ZFPM2: variants seen among roughly 807,000 people sequenced by gnomAD.
The protein encoded by ZFPM2 is zinc finger protein ZFPM2.
In ZFPM2, 20 loss-of-function variants were observed where a neutral mutation model predicts 98.6. The observed-to-expected ratio is 0.20, with a 90% CI of 0.14 to 0.29. The LOEUF (loss-of-function observed/expected upper bound fraction) is 0.29. Among genes scored for constraint, ZFPM2 ranks in the 10% least tolerant of loss-of-function variants. The pLI is 1.00. For synonymous variants in ZFPM2, 518 were observed against 502.7 expected (o/e 1.03, Z -0.41); for missense variants, 1,310 against 1,388.6 (o/e 0.94, Z 0.90).
At chr8:105,454,606 C>T (rs541233395) in intron 3 of ZFPM2, among the ~76,000 whole-genome samples, 2 of 152,270 alleles carry the variant, frequency 1.3e-5, no homozygotes, top group Admixed American at 6.5e-5. Flanking sequence ...CAACTTTTCC[C>T]TAATAATTAT....
intron 3 of ZFPM2, among the ~76,000 whole-genome samples, chr8:105,534,070 TCCTCCCTCCCA>T (rs1563704478): frequency 1.2e-4 from 2 of 16,420 alleles, no homozygotes; most frequent in Non-Finnish European, 1.0e-4. Flanking sequence ...CTCCCTTCCT[TCCTCCCTCCCA>T]TCTTCCTCCC....
intron 1 of ZFPM2, among the ~76,000 whole-genome samples, chr8:105,368,713 T>C (rs1306734437): frequency 6.6e-6 from 1 of 152,176 alleles, no homozygotes; most frequent in Non-Finnish European, 1.5e-5. Context: ...TGGAATGTAC[T>C]GTTTCCCTTT....
intron 3 of ZFPM2, among the ~76,000 whole-genome samples, chr8:105,480,589 C>T (rs1258748493): frequency 6.6e-6 from 1 of 151,994 alleles, no homozygotes; most frequent in Non-Finnish European, 1.5e-5. Flanking sequence ...TGAACTTATA[C>T]AAGGGTGGAC....
Position 105,712,753 on chromosome 8 carries a change from C to G in ZFPM2, c.533-75965C>G, listed in dbSNP as rs1286362428. Among the ~76,000 whole-genome samples the G allele has an allele frequency of 3.3e-5, 5 of 152,198 alleles. No individual in the cohort carries two copies. In the East Asian group the frequency reaches 9.7e-4, roughly 29 times the overall value. ...CCCCAGTGTCTTTGGTTCCCATCTTCATGTCCAAGTGTATTCAGGGTTTAG... is the reference window on the plus strand; with the variant it reads ...CCCCAGTGTCTTTGGTTCCCATCTTGATGTCCAAGTGTATTCAGGGTTTAG... On this transcript the variant is annotated intron_variant, in intron 5 of 7. Transcript: ENST00000407775.
chr8:105,411,408 T>A (rs1355914620), intron 1 of ZFPM2, among the ~76,000 whole-genome samples: 2 of 151,796 alleles, frequency 1.3e-5, no homozygotes, highest in Admixed American at 1.3e-4. Flanking sequence ...CATCTTATCT[T>A]ATACGTTGTT....
intron 5 of ZFPM2, among the ~76,000 whole-genome samples, chr8:105,695,279 T>C (rs1810988491): frequency 1.3e-5 from 2 of 151,880 alleles, no homozygotes; most frequent in South Asian, 4.1e-4. Context: ...ATGATAACCT[T>C]GAAGAAGAAA....
At chr8:105,551,213 C>A (rs1203088242) in intron 3 of ZFPM2, among the ~76,000 whole-genome samples, 1 of 152,134 alleles carries the variant, frequency 6.6e-6, no homozygotes, top group Non-Finnish European at 1.5e-5. Flanking sequence ...TAGTGCGTGG[C>A]ACAGTTAACA....
chr8:105,440,199 T>C (rs1317990105), intron 2 of ZFPM2, among the ~76,000 whole-genome samples: 3 of 152,226 alleles, frequency 2.0e-5, no homozygotes, highest in Non-Finnish European at 2.9e-5. Context: ...ACTCAGAGTC[T>C]AAATAGAGAT....
chr8:105,461,858 A>G (rs1812709932), intron 3 of ZFPM2, among the ~76,000 whole-genome samples: 1 of 152,172 alleles, frequency 6.6e-6, no homozygotes, highest in African/African-American at 2.4e-5. Context: ...GCCTAAAATC[A>G]CACAGCAGAT....
chr8:105,500,138 T>G (rs1813559440), intron 3 of ZFPM2, among the ~76,000 whole-genome samples: 1 of 152,208 alleles, frequency 6.6e-6, no homozygotes, highest in Non-Finnish European at 1.5e-5. Context: ...TATTAAAAAC[T>G]TCTGTTATAC....
At chr8:105,650,838 A>G (rs1221339035) in intron 5 of ZFPM2, among the ~76,000 whole-genome samples, 1 of 152,172 alleles carries the variant, frequency 6.6e-6, no homozygotes, top group Non-Finnish European at 1.5e-5. Context: ...TGGTGCTGAG[A>G]AGAATGTTGA....
chr8:105,623,954 T>G (rs1204259625), intron 4 of ZFPM2, among the ~76,000 whole-genome samples: 1 of 152,216 alleles, frequency 6.6e-6, no homozygotes, highest in Non-Finnish European at 1.5e-5. Context: ...TAAGTAAGTA[T>G]AAGCTCAATG....
chr8:105,463,837 G>A (rs144109646), intron 3 of ZFPM2, among the ~76,000 whole-genome samples: 11 of 152,052 alleles, frequency 7.2e-5, no homozygotes, highest in African/African-American at 2.7e-4. Flanking sequence ...TGAGAAATCT[G>A]CATTTACCTC....
chr8:105,556,382 C>A (rs1814991498), intron 3 of ZFPM2, among the ~76,000 whole-genome samples: 1 of 152,114 alleles, frequency 6.6e-6, no homozygotes. Context: ...TCTTCAATTT[C>A]TTTTTGGTGA....
chr8:105,440,583 G>A (rs1360478811), intron 2 of ZFPM2, among the ~76,000 whole-genome samples: 1 of 152,134 alleles, frequency 6.6e-6, no homozygotes, highest in Non-Finnish European at 1.5e-5. Context: ...TGCACAAGGT[G>A]TGGGTGGGAC....
intron 4 of ZFPM2, among the ~76,000 whole-genome samples, chr8:105,564,960 C>A (rs780719636): frequency 9.9e-5 from 15 of 151,924 alleles, no homozygotes; most frequent in Non-Finnish European, 2.1e-4. Flanking sequence ...AAATATATAG[C>A]CTACTACCCC....
At chr8:105,558,259 G>A (rs1020436162) in intron 3 of ZFPM2, among the ~76,000 whole-genome samples, 5 of 151,990 alleles carry the variant, frequency 3.3e-5, no homozygotes, top group Non-Finnish European at 5.9e-5. Context: ...AATTATTTGC[G>A]CTATGCTTGC....
intron 3 of ZFPM2, among the ~76,000 whole-genome samples, chr8:105,444,962 T>C (rs1179574823): frequency 6.6e-6 from 1 of 152,164 alleles, no homozygotes; most frequent in African/African-American, 2.4e-5. Flanking sequence ...TATGTAAATA[T>C]ATAACAGTCA....
chr8:105,622,088 GT>G (rs1357657011), intron 4 of ZFPM2, among the ~76,000 whole-genome samples: 1 of 151,064 alleles, frequency 6.6e-6, no homozygotes, highest in African/African-American at 2.4e-5. Context: ...TATATATAAG[GT>G]TATATTATTT....
Sources: gnomAD v4.1 joint callset for allele counts (sites outside exome capture counted in the v4.1 genomes callset) on GRCh38, gnomAD v4.1.1 for gene constraint, MANE v1.5 for transcripts, NCBI Gene and HGNC (gene_info 2026-07-23, HGNC 2026-07-21) for gene names.